The following EPC1 variants were observed in gnomAD, a reference collection of about 807,000 sequenced individuals.
EPC1 encodes the protein enhancer of polycomb homolog 1.
In EPC1, 12 loss-of-function variants were observed where a neutral mutation model predicts 98.4. The observed-to-expected ratio is 0.12, with a 90% CI of 0.08 to 0.20. The LOEUF is 0.20. Among genes scored for constraint, EPC1 ranks in the 10% least tolerant of loss-of-function variants. The pLI is 1.00. For synonymous variants in EPC1, 357 were observed against 363.9 expected, an observed-to-expected ratio of 0.98 and a Z score of 0.21; for missense variants, 729 against 990.5, an observed-to-expected ratio of 0.74 and a Z score of 3.54.
chr10:32,345,607 G>A, intron 1 of EPC1: 3 of 985,396 alleles, frequency 3.0e-6, no homozygotes, highest in Non-Finnish European at 3.6e-6. Context: ...AAGTCATCAA[G>A]TTATACTGTC....
intron 9 of EPC1, 92 bp downstream of exon 9, chr10:32,286,602 G>C: frequency 1.4e-6 from 2 of 1,430,780 alleles, no homozygotes; most frequent in South Asian, 2.6e-5. Context: ...GAACTAATGA[G>C]TTGTTCAGAG....
At chr10:32,364,787 C>T (rs535312234) in intron 1 of EPC1, among the ~76,000 whole-genome samples, 12 of 152,162 alleles carry the variant, frequency 7.9e-5, no homozygotes, top group Non-Finnish European at 1.5e-4. Flanking sequence ...TTATCAAGCT[C>T]GTCCAACCTG....
chr10:32,281,030 A>G (rs370622721), intron 10 of EPC1, among the ~76,000 whole-genome samples: 1 of 152,006 alleles, frequency 6.6e-6, no homozygotes, highest in East Asian at 1.9e-4. Flanking sequence ...TTTCATGCAT[A>G]ATTTTTATTA....
chr10:32,373,798 G>T (rs912887085), intron 1 of EPC1, among the ~76,000 whole-genome samples: 1 of 152,176 alleles, frequency 6.6e-6, no homozygotes, highest in African/African-American at 2.4e-5. Flanking sequence ...TAATAACATT[G>T]TTGAACCAAA....
At chr10:32,278,679 A>T (rs1409554645) in intron 10 of EPC1, among the ~76,000 whole-genome samples, 2 of 152,188 alleles carry the variant, frequency 1.3e-5, no homozygotes, top group African/African-American at 4.8e-5. Flanking sequence ...CCTGAATTAG[A>T]AATTTCTTTT....
chr10:32,273,394 A>G, intron 10 of EPC1, 113 bp from the exon 11 acceptor site: 1 of 1,328,728 alleles, frequency 7.5e-7, no homozygotes, highest in Admixed American at 2.7e-5. Flanking sequence ...GCATCTGACA[A>G]AGGATCATGA....
At chr10:32,312,392 G>A (rs1836291560) in intron 1 of EPC1, among the ~76,000 whole-genome samples, 1 of 152,160 alleles carries the variant, frequency 6.6e-6, no homozygotes. Flanking sequence ...AAAATTGTAA[G>A]TTCAAGATAT....
intron 1 of EPC1, among the ~76,000 whole-genome samples, chr10:32,335,294 T>A (rs914054072): frequency 1.3e-5 from 2 of 152,098 alleles, no homozygotes; most frequent in Non-Finnish European, 2.9e-5. Flanking sequence ...TCTCAGTGTC[T>A]CCTAATCTGT....
chr10:32,273,479 A>AAATTAAAATTTAAATT (rs1835935696), intron 10 of EPC1, among the ~76,000 whole-genome samples, 198 bp from the exon 11 acceptor site: 1 of 152,196 alleles, frequency 6.6e-6, no homozygotes. Context: ...GCATGAATTT[A>AAATTAAAATTTAAATT]AAGAAAAAAA....
intron 1 of EPC1, among the ~76,000 whole-genome samples, chr10:32,312,055 T>A (rs1341490870): frequency 6.6e-6 from 1 of 152,028 alleles, no homozygotes; most frequent in Admixed American, 6.6e-5. Flanking sequence ...AAACCATGGA[T>A]GATGGGGGAT....
Position 32,293,097 on chromosome 10 carries a change from C to A in EPC1, c.557G>T (p.Arg186Leu). Residue 186 changes from arginine (R) to leucine (L), a missense_variant, in exon 4 of 14, where the codon CGA (arginine) becomes CTA (leucine). Transcript: ENST00000319778. ...EYWIKKRKNCRGPSLIPSVKQ... is the reference protein window; with the variant it reads ...EYWIKKRKNCLGPSLIPSVKQ... ...TACTGATGGAATAAGAGATGGCCCTCGACAGTTTTTTCTCTTTTTAATCCA... is the reference window on the plus strand; with the variant it reads ...TACTGATGGAATAAGAGATGGCCCTAGACAGTTTTTTCTCTTTTTAATCCA... The A allele has an allele frequency of 6.2e-7, 1 of 1,613,114 alleles. No individual in the cohort carries two copies. Among genetic ancestry groups the A allele is most frequent in the Non-Finnish European group, 8.5e-7 (1 of 1,179,286 alleles).
Position 32,346,832 on chromosome 10 carries a change from C to T in EPC1, c.84G>A (p.Leu28=), listed in dbSNP as rs1175124196. 2 of 1,614,090 alleles carry T rather than the reference C, an allele frequency of 1.2e-6. No homozygotes were observed. Among genetic ancestry groups the T allele is most frequent in the African/African-American group, 2.7e-5 (2 of 74,956 alleles). ...CCCTGTTTATCGAGGCGTATTCGTG[C>T]AGGTCGGGCAGATCCTCACAGCGGA... ...PVFRCEDLPD[L]HEYASINRAV... The change falls in exon 1 of 14, where the codon CTG becomes CTA. Residue 28 remains leucine (L), a synonymous_variant. Transcript: ENST00000319778.
upstream of EPC1, chr10:32,347,220 G>A (rs1039239137): frequency 4.1e-6 from 5 of 1,226,552 alleles, no homozygotes; most frequent in Admixed American, 8.5e-5. Flanking sequence ...CGGGCACGCG[G>A]GCGGGGGGAG....
chr10:32,305,989 A>T (rs1835854257), intron 1 of EPC1, 58 bp from the exon 2 acceptor site: 1 of 1,438,812 alleles, frequency 7.0e-7, no homozygotes, highest in South Asian at 1.6e-5. Context: ...TAAACAGATC[A>T]TATAGCCAAA....
intron 9 of EPC1, chr10:32,286,374 T>C: frequency 3.1e-6 from 1 of 318,876 alleles, no homozygotes; most frequent in Non-Finnish European, 5.8e-6. Context: ...TTTAACTTAA[T>C]ACACTGTGTG....
intron 2 of EPC1, among the ~76,000 whole-genome samples, chr10:32,294,093 TCA>T (rs1360434321): frequency 6.6e-6 from 1 of 152,212 alleles, no homozygotes; most frequent in East Asian, 1.9e-4. Flanking sequence ...TCAAAAATCA[TCA>T]CATAGGCAAT....
intron 1 of EPC1, among the ~76,000 whole-genome samples, chr10:32,314,847 T>C (rs540600836): frequency 1.3e-5 from 2 of 152,372 alleles, no homozygotes; most frequent in East Asian, 3.9e-4. Context: ...TGGGTGGGTA[T>C]CTTTGCTGCT....
intron 10 of EPC1, among the ~76,000 whole-genome samples, chr10:32,280,356 G>A (rs745830908): frequency 1.1e-4 from 16 of 151,968 alleles, no homozygotes; most frequent in Non-Finnish European, 2.1e-4. Context: ...GGAGGCTGAG[G>A]CATGAGAATC....
At chr10:32,342,499 A>G (rs1838427363) in intron 1 of EPC1, among the ~76,000 whole-genome samples, 1 of 152,234 alleles carries the variant, frequency 6.6e-6, no homozygotes, top group African/African-American at 2.4e-5. Context: ...CTTAGTAACA[A>G]TGTATATTGT....
Sources: gnomAD v4.1 joint callset for allele counts (sites outside exome capture counted in the v4.1 genomes callset) on GRCh38, gnomAD v4.1.1 for gene constraint, MANE v1.5 for transcripts, NCBI Gene and HGNC (gene_info 2026-07-23, HGNC 2026-07-21) for gene names.